C4orf17: variants seen among roughly 807,000 people sequenced by gnomAD.
C4orf17 encodes the protein chromosome 4 open reading frame 17.
In C4orf17, 25 loss-of-function variants were observed where a neutral mutation model predicts 32.0. The observed-to-expected ratio is 0.78, with a 90% CI of 0.57 to 1.09. The LOEUF (loss-of-function observed/expected upper bound fraction) is 1.09. Ranked by LOEUF, C4orf17 falls within the 50% of genes least tolerant of loss-of-function variation. The pLI is 0.00. For missense variants in C4orf17, 420 were observed against 420.0 expected, an observed-to-expected ratio of 1.00 and a Z score of 0.00; for synonymous variants, 149 against 145.8, an observed-to-expected ratio of 1.02 and a Z score of -0.16.
At chr4:99,516,324 G>A (rs1316946157) in intron 2 of C4orf17, among the ~76,000 whole-genome samples, 1 of 152,144 alleles carries the variant, frequency 6.6e-6, no homozygotes, top group African/African-American at 2.4e-5. Flanking sequence ...AAATGGAAAT[G>A]AGCTGCCCAC....
chr4:99,513,263 T>G (rs1363636507), intron 2 of C4orf17, 55 bp downstream of exon 2: 3 of 1,600,376 alleles, frequency 1.9e-6, no homozygotes, highest in Non-Finnish European at 2.6e-6. Flanking sequence ...TTGGGCTATT[T>G]GATAATTCTG....
intron 5 of C4orf17, among the ~76,000 whole-genome samples, chr4:99,530,927 T>C (rs1435671759): frequency 1.3e-5 from 2 of 152,126 alleles, no homozygotes; most frequent in Non-Finnish European, 2.9e-5. Context: ...TGCTACACTC[T>C]GGCCACTTTG....
intron 5 of C4orf17, among the ~76,000 whole-genome samples, chr4:99,536,594 T>G (rs1723566376): frequency 6.6e-6 from 1 of 152,082 alleles, no homozygotes; most frequent in Non-Finnish European, 1.5e-5. Flanking sequence ...AACAGCTGAG[T>G]TGACCAAAAC....
intron 2 of C4orf17, among the ~76,000 whole-genome samples, chr4:99,518,798 C>T (rs900851910): frequency 2.0e-5 from 3 of 151,698 alleles, no homozygotes; most frequent in African/African-American, 4.8e-5. Context: ...TTCCCACCTC[C>T]GTCTGGATTT....
At chr4:99,540,278 A>G in intron 7 of C4orf17, 134 bp from the exon 8 acceptor site, 1 of 561,930 alleles carries the variant, frequency 1.8e-6, no homozygotes, top group South Asian at 2.8e-5. Flanking sequence ...TACTGTATGC[A>G]TTAAAAAAAA....
At chr4:99,522,780 G>A in intron 3 of C4orf17, 71 bp downstream of exon 3, 1 of 1,206,022 alleles carries the variant, frequency 8.3e-7, no homozygotes, top group Admixed American at 2.0e-5. Context: ...GAGTCTATAT[G>A]ATGCTAAAAT....
At chr4:99,519,619 A>G (rs1311948022) in intron 2 of C4orf17, among the ~76,000 whole-genome samples, 4 of 152,202 alleles carry the variant, frequency 2.6e-5, no homozygotes, top group Admixed American at 2.0e-4. Flanking sequence ...CAGATTTTAA[A>G]TAGGATTTAT....
intron 2 of C4orf17, among the ~76,000 whole-genome samples, 150 bp from the exon 3 acceptor site, chr4:99,522,347 ATTT>A (rs34420658): frequency 6.7e-6 from 1 of 148,358 alleles, no homozygotes; most frequent in Non-Finnish European, 1.5e-5. Flanking sequence ...TCATAATACA[ATTT>A]TTTTTTTTGG....
chr4:99,541,276 C>A (rs115377688), intron 8 of C4orf17: 1 of 152,286 alleles, frequency 6.6e-6, no homozygotes, highest in African/African-American at 2.4e-5. Flanking sequence ...TTAAAAATTA[C>A]AAAGTACTCC....
At chr4:99,540,909 G>C (rs1456115133) in intron 8 of C4orf17, 1 of 152,886 alleles carries the variant, frequency 6.5e-6, no homozygotes, top group Non-Finnish European at 1.5e-5. Context: ...CAATTGAAAA[G>C]AGCAGTTTTG....
At chr4:99,533,636 G>A (rs1032979567) in intron 5 of C4orf17, among the ~76,000 whole-genome samples, 2 of 152,152 alleles carry the variant, frequency 1.3e-5, no homozygotes, top group Non-Finnish European at 2.9e-5. Flanking sequence ...TGCAGAGAAT[G>A]AGCTCCAGAA....
Position 99,528,516 on chromosome 4 carries a change from CATT to C in C4orf17, c.403-1292_403-1290del, listed in dbSNP as rs557320670. Among the ~76,000 whole-genome samples the C allele has an allele frequency of 4.6e-5, 7 of 152,258 alleles. No individual in the cohort carries two copies. The South Asian group carries it at 1.4e-3, about 32-fold the overall frequency. ...TGAGTTCAGTGTATTTTCTAATTCT[CATT>C]ATTATTTCTTCTTTGACTCATGACT... On this transcript the variant is annotated intron_variant, in intron 4 of 8. Coordinates refer to ENST00000326581, the MANE Select transcript of C4orf17 (RefSeq NM_032149.3).
rs751517404 is a variant in C4orf17, at chr4:99,539,203, C to A, written c.669C>A (p.Ala223=). The A allele has an allele frequency of 4.3e-6, 7 of 1,614,022 alleles. No individual in the cohort carries two copies. The South Asian group carries it at 5.5e-5, about 13-fold the overall frequency. Residue 223 remains alanine, a synonymous_variant, in exon 7 of 9, where the codon GCC becomes GCA. Transcript: ENST00000326581. ...CAGCTTTGATTCATTCTGAGCTTGC[C>A]GAGATAAACCTGTTAACTCATCACA... ...WVSALIHSEL[A]EINLLTHHRR...
At position 99,539,405 on chromosome 4, in the gene C4orf17, C is replaced by CTATG. The variant is rs1560592022; in HGVS notation, c.836+36_836+39dup. The CTATG allele has an allele frequency of 2.6e-6, 4 of 1,513,778 alleles. No individual in the cohort carries two copies. In the South Asian group the frequency reaches 3.4e-5, roughly 13 times the overall value. The allele number at this position is 1,513,778 out of a possible 1,614,324, so 93.8% of individuals were successfully genotyped here. A position where few individuals can be genotyped will look rare whatever the true frequency, so the allele number is the denominator to read the frequency against. On this transcript the variant is annotated intron_variant, in intron 7 of 8. Transcript: ENST00000326581. ...TATAATGGCCCCCTAGAGGGAGGGC[C>CTATG]TATGGCACATGAAGACTTTGAATTC... is the stretch of plus-strand genomic sequence containing the variant.
chr4:99,527,898 T>C (rs773019083), intron 4 of C4orf17, among the ~76,000 whole-genome samples: 3 of 152,248 alleles, frequency 2.0e-5, no homozygotes, highest in Non-Finnish European at 4.4e-5. Context: ...GGCATAAAAC[T>C]GTTTAGGTTT....
rs1723656114 is a variant in C4orf17 at position 99,541,981 on chromosome 4, A to C, written c.952A>C (p.Lys318Gln). 6.2e-7 allele frequency: 1 copy of C among 1,614,128 alleles called. No individual in the cohort carries two copies. Among genetic ancestry groups the C allele is most frequent in the Non-Finnish European group, 8.5e-7 (1 of 1,179,984 alleles). ...MKIPVAEYFS[K>Q]PNSPPRPNTQ... Reference sequence around the variant, plus strand: ...AATACCTGTTGCAGAATATTTCAGCAAACCAAATTCTCCTCCCAGGCCTAA... The same window carrying C: ...AATACCTGTTGCAGAATATTTCAGCCAACCAAATTCTCCTCCCAGGCCTAA... Residue 318 changes from lysine (K) to glutamine (Q), a missense_variant, in exon 9 of 9, where the codon AAA becomes CAA. Coordinates refer to ENST00000326581, the MANE Select transcript of C4orf17 (RefSeq NM_032149.3).
At chr4:99,529,652 T>G (rs927984007) in intron 4 of C4orf17, among the ~76,000 whole-genome samples, 163 bp from the exon 5 acceptor site, 2 of 152,224 alleles carry the variant, frequency 1.3e-5, no homozygotes, top group African/African-American at 4.8e-5. Flanking sequence ...TTGTTTTGTC[T>G]CCAAATATAA....
chr4:99,515,065 C>T (rs1157816792), intron 2 of C4orf17, among the ~76,000 whole-genome samples: 1 of 152,088 alleles, frequency 6.6e-6, no homozygotes, highest in East Asian at 1.9e-4. Context: ...GATGCAAAGG[C>T]AGAAGAATGT....
At chr4:99,515,244 C>A (rs1289668498) in intron 2 of C4orf17, among the ~76,000 whole-genome samples, 1 of 152,118 alleles carries the variant, frequency 6.6e-6, no homozygotes, top group Admixed American at 6.5e-5. Context: ...GACACCTGCA[C>A]CTGTATGTTC....
Sources: gnomAD v4.1 joint callset for allele counts (sites outside exome capture counted in the v4.1 genomes callset) on GRCh38, gnomAD v4.1.1 for gene constraint, MANE v1.5 for transcripts, NCBI Gene and HGNC (gene_info 2026-07-23, HGNC 2026-07-21) for gene names.